DLC1: variants seen among roughly 807,000 people sequenced by gnomAD.
DLC1 encodes the protein DLC1 Rho GTPase activating protein.
In DLC1, 54 loss-of-function variants were observed where a neutral mutation model predicts 140.3. That is an observed-to-expected ratio of 0.38 (90% CI 0.31 to 0.48). The LOEUF is 0.48. DLC1 is among the 20% of genes least tolerant of loss of function. The pLI, the probability that DLC1 is intolerant of heterozygous loss-of-function variation, is 0.96. For missense variants in DLC1, 2,536 were observed against 1,907.0 expected, an observed-to-expected ratio of 1.33 and a Z score of -6.14; for synonymous variants, 986 against 728.1, an observed-to-expected ratio of 1.35 and a Z score of -5.70.
At chr8:13,387,308 T>G (rs1836567942) in intron 4 of DLC1, among the ~76,000 whole-genome samples, 1 of 152,034 alleles carries the variant, frequency 6.6e-6, no homozygotes, top group South Asian at 2.1e-4. Context: ...CTGTTTTGTT[T>G]TAAATATTGA....
chr8:13,172,069 T>C lies in DLC1; in HGVS notation c.1349-56412A>G, dbSNP rs139395126. Among the ~76,000 whole-genome samples the C allele has an allele frequency of 1.3e-3, 197 of 152,282 alleles. 1 individual carries two copies. Among genetic ancestry groups the C allele is most frequent in the African/African-American group, 4.2e-3 (176 of 41,556 alleles). ...TTATAATAACCAAAAAGAGCAATAA[T>C]TGTGCTTCATCTATATGGCATTATT... is the stretch of plus-strand genomic sequence containing the variant. On this transcript the variant is annotated intron_variant, in intron 5 of 17. Coordinates refer to ENST00000276297, the MANE Select transcript of DLC1 (RefSeq NM_182643.3).
Position 13,276,371 on chromosome 8 carries a change from C to T in DLC1, c.1348+28898G>A, listed in dbSNP as rs1238939131. On this transcript the variant is annotated intron_variant, in intron 5 of 17. Coordinates refer to ENST00000276297, the MANE Select transcript of DLC1 (RefSeq NM_182643.3). ...TCCGGAGAGGGGCTCGCAGGGGGCG[C>T]GCCATCACGTGGGCCTTGGGGTCCC... 4 of 1,519,708 alleles carry T rather than the reference C, an allele frequency of 2.6e-6. No homozygotes were observed. In the South Asian group the frequency reaches 4.8e-5, roughly 18 times the overall value. 94.1% of individuals were successfully genotyped at this position (1,519,708 alleles called of 1,614,324 possible).
chr8:13,294,702 AT>A (rs1273779643), intron 5 of DLC1, among the ~76,000 whole-genome samples: 1 of 152,180 alleles, frequency 6.6e-6, no homozygotes, highest in African/African-American at 2.4e-5. Flanking sequence ...GAAAAAATTT[AT>A]TCATCAGCCT....
rs368596051 is a variant in DLC1 at position 13,575,573 on chromosome 8, C to G, written c.-126+28964G>C. 4.9e-4 allele frequency among the ~76,000 whole-genome samples: 74 copies of G among 152,142 alleles called. 2 individuals are homozygous for G. The South Asian group carries it at 0.014, about 29-fold the overall frequency. Reference sequence around the variant, plus strand: ...GGGGCAGAAGAGTGGGGCTTGAAAGCCTTCAGCTGTTAAACATAAAAAAAA... The same window carrying G: ...GGGGCAGAAGAGTGGGGCTTGAAAGGCTTCAGCTGTTAAACATAAAAAAAA... On this transcript the variant is annotated intron_variant, in intron 1 of 1. Coordinates refer to the DLC1 transcript ENST00000631382.
At chr8:13,180,847 G>A (rs1425716469) in intron 5 of DLC1, among the ~76,000 whole-genome samples, 1 of 151,932 alleles carries the variant, frequency 6.6e-6, no homozygotes, top group Non-Finnish European at 1.5e-5. Flanking sequence ...GTCTCAAATA[G>A]GTAAATCCTA....
At chr8:13,503,939 G>T (rs1457541770) in intron 1 of DLC1, among the ~76,000 whole-genome samples, 8 of 151,964 alleles carry the variant, frequency 5.3e-5, no homozygotes, top group South Asian at 2.1e-4. Context: ...TGGTATTTGA[G>T]GTACAGTTTC....
At position 13,090,448 on chromosome 8, in the gene DLC1, C is replaced by A; in HGVS notation, c.3878G>T (p.Cys1293Phe). 6.2e-7 allele frequency: 1 copy of A among 1,614,112 alleles called. No individual in the cohort carries two copies. The highest frequency in any genetic ancestry group is 8.5e-7 in the Non-Finnish European group (1 of 1,180,034). The change falls in exon 15 of 18, where the codon TGT (cysteine) becomes TTT (phenylalanine). Residue 1293 changes from cysteine to phenylalanine, a missense_variant. Cys to Phe is a radical substitution (Grantham distance 205, BLOSUM62 -2). Coordinates refer to ENST00000276297, the MANE Select transcript of DLC1 (RefSeq NM_182643.3). The stretch of plus-strand genomic sequence containing the variant: ...CTCTTGTTCGGTATAGGAATTACGA[C>A]ATCGGCTCATTTCCTCGGGAACCTG... The part of the protein sequence containing the change: ...LFQVPEEMSR[C>F]RNSYTEQELK...
At chr8:13,141,139 C>T (rs1248579872) in intron 5 of DLC1, among the ~76,000 whole-genome samples, 2 of 151,554 alleles carry the variant, frequency 1.3e-5, no homozygotes, top group Admixed American at 1.3e-4. Context: ...CCTGTAATTC[C>T]AGCTACTCGG....
intron 5 of DLC1, among the ~76,000 whole-genome samples, chr8:13,246,783 T>C (rs1829783065): frequency 6.6e-6 from 1 of 151,994 alleles, no homozygotes; most frequent in African/African-American, 2.4e-5. Flanking sequence ...GTCTACAGAG[T>C]AGGGCTGTCA....
At chr8:13,305,820 C>T (rs1832395532) in intron 4 of DLC1, among the ~76,000 whole-genome samples, 1 of 152,130 alleles carries the variant, frequency 6.6e-6, no homozygotes, top group Non-Finnish European at 1.5e-5. Context: ...CTGGGCAACA[C>T]AGTCAGACCC....
chr8:13,520,762 A>G (rs956700695), intron 1 of DLC1, among the ~76,000 whole-genome samples: 1 of 152,150 alleles, frequency 6.6e-6, no homozygotes, highest in Admixed American at 6.6e-5. Flanking sequence ...ATTCCCAGCC[A>G]TGCAAGATTT....
At chr8:13,447,138 T>C (rs1015398053) in intron 2 of DLC1, among the ~76,000 whole-genome samples, 7 of 152,188 alleles carry the variant, frequency 4.6e-5, no homozygotes, top group African/African-American at 1.7e-4. Flanking sequence ...GCTATGAGTC[T>C]CCATTTATTA....
At chr8:13,470,378 A>G (rs1800150341) in intron 2 of DLC1, among the ~76,000 whole-genome samples, 1 of 151,978 alleles carries the variant, frequency 6.6e-6, no homozygotes, top group South Asian at 2.1e-4. Context: ...CAATAAAAAT[A>G]AAAAACAACC....
chr8:13,132,013 G>C (rs1585723875), intron 5 of DLC1, among the ~76,000 whole-genome samples: 1 of 152,174 alleles, frequency 6.6e-6, no homozygotes, highest in African/African-American at 2.4e-5. Flanking sequence ...CAGCGACATG[G>C]AGTGGGGGCA....
chr8:13,154,374 G>A (rs1168124662), intron 5 of DLC1, among the ~76,000 whole-genome samples: 1 of 152,226 alleles, frequency 6.6e-6, no homozygotes. Flanking sequence ...GTGAGAATTG[G>A]AGCATGGCGC....
At chr8:13,151,017 G>C (rs543166186) in intron 5 of DLC1, among the ~76,000 whole-genome samples, 2 of 152,174 alleles carry the variant, frequency 1.3e-5, no homozygotes, top group Non-Finnish European at 2.9e-5. Flanking sequence ...GATGGAACAG[G>C]GTAGTTGGGA....
intron 5 of DLC1, among the ~76,000 whole-genome samples, chr8:13,261,282 C>G (rs1365851004): frequency 1.3e-5 from 2 of 152,006 alleles, no homozygotes; most frequent in East Asian, 1.9e-4. Flanking sequence ...ATGTGACTGT[C>G]TGGGAAAAGA....
intron 1 of DLC1, among the ~76,000 whole-genome samples, chr8:13,510,058 C>T (rs183132275): frequency 5.1e-4 from 78 of 152,244 alleles, no homozygotes; most frequent in Middle Eastern, 3.4e-3. Context: ...CTGATCTTAG[C>T]TGCAGAATCC....
chr8:13,535,671 A>AAC (rs1189745054), intron 1 of DLC1, among the ~76,000 whole-genome samples: 2 of 147,728 alleles, frequency 1.4e-5, no homozygotes, highest in Non-Finnish European at 3.0e-5. Context: ...TTGCTCATTA[A>AAC]AAAAAAAAAA....
Sources: allele counts gnomAD v4.1 joint callset (sites outside exome capture counted in the v4.1 genomes callset), GRCh38; gene constraint gnomAD v4.1.1; transcripts MANE v1.5; gene names NCBI Gene and HGNC (gene_info 2026-07-23, HGNC 2026-07-21).